Variants in CDH12 observed in about 807,000 individuals in gnomAD.
CDH12 encodes cadherin 12.
Under a neutral mutation model 74.1 loss-of-function variants are expected in CDH12, and 41 were observed. That is an observed-to-expected ratio of 0.55 (90% CI 0.43 to 0.72). CDH12 has a LOEUF of 0.72. CDH12 is among the 30% of genes least tolerant of loss of function. The pLI is 0.00. For missense variants in CDH12, 945 were observed against 977.2 expected (o/e 0.97, Z 0.44); for synonymous variants, 399 against 355.0 (o/e 1.12, Z -1.39).
intron 1 of CDH12, among the ~76,000 whole-genome samples, chr5:22,760,500 G>A (rs1746151306): frequency 6.6e-6 from 1 of 151,952 alleles, no homozygotes; most frequent in Non-Finnish European, 1.5e-5. Flanking sequence ...CCAACATGAT[G>A]AAACACCATT....
chr5:21,949,429 G>A (rs1352169039), intron 6 of CDH12, among the ~76,000 whole-genome samples: 17 of 142,452 alleles, frequency 1.2e-4, no homozygotes, highest in African/African-American at 3.2e-4. Context: ...CAGCCTGTGC[G>A]ACAGAACGAG....
chr5:21,783,511 T>C lies in CDH12; in HGVS notation c.1257-17A>G. 1 of 1,586,172 alleles carries C rather than the reference T, an allele frequency of 6.3e-7. No individual in the cohort carries two copies. Among genetic ancestry groups the C allele is most frequent in the Non-Finnish European group, 8.6e-7 (1 of 1,156,780 alleles). On this transcript the variant is annotated splice_polypyrimidine_tract_variant and intron_variant, in intron 10 of 14. Coordinates refer to ENST00000382254, the MANE Select transcript of CDH12 (RefSeq NM_004061.5). ...ATGAAGTACCTGTATATGAAAAGAG[T>C]AGATGCAAATGTGCAATGATTACAC...
intron 3 of CDH12, among the ~76,000 whole-genome samples, chr5:22,236,737 C>T (rs776307042): frequency 6.6e-6 from 1 of 152,152 alleles, no homozygotes; most frequent in Non-Finnish European, 1.5e-5. Context: ...TGGAGTGAGA[C>T]TCTGTCTCAA....
At chr5:22,218,350 G>A (rs1156759466) in intron 3 of CDH12, among the ~76,000 whole-genome samples, 31 of 151,666 alleles carry the variant, frequency 2.0e-4, no homozygotes, top group Admixed American at 2.0e-3. Flanking sequence ...CCGTCAACAG[G>A]TGAGTGAATA....
chr5:22,727,986 C>T (rs768178299), intron 1 of CDH12, among the ~76,000 whole-genome samples: 3 of 151,688 alleles, frequency 2.0e-5, no homozygotes, highest in Non-Finnish European at 2.9e-5. Flanking sequence ...GCCTCCATTT[C>T]TAATAAATTT....
intron 3 of CDH12, among the ~76,000 whole-genome samples, chr5:22,296,251 C>T (rs377200354): frequency 6.6e-6 from 1 of 151,956 alleles, no homozygotes; most frequent in East Asian, 1.9e-4. Context: ...ACTTATAAGA[C>T]TACAGGGCAC....
chr5:22,427,208 C>A (rs1283001503), intron 2 of CDH12, among the ~76,000 whole-genome samples: 1 of 152,108 alleles, frequency 6.6e-6, no homozygotes, highest in Non-Finnish European at 1.5e-5. Context: ...TGCTCTGTCA[C>A]CCAGGCTGGA....
chr5:22,507,476 T>C (rs1310570769), intron 1 of CDH12, among the ~76,000 whole-genome samples: 1 of 152,156 alleles, frequency 6.6e-6, no homozygotes, highest in Non-Finnish European at 1.5e-5. Context: ...ATACAGATAG[T>C]AACAAGGTAG....
chr5:22,735,403 C>T (rs1201039446), intron 1 of CDH12, among the ~76,000 whole-genome samples: 1 of 151,668 alleles, frequency 6.6e-6, no homozygotes, highest in Non-Finnish European at 1.5e-5. Context: ...GTTTAAGAAG[C>T]CTTGGGAGAA....
At chr5:22,624,792 C>CTGGGTATTTCT (rs1738181642) in intron 1 of CDH12, among the ~76,000 whole-genome samples, 1 of 152,204 alleles carries the variant, frequency 6.6e-6, no homozygotes, top group Non-Finnish European at 1.5e-5. Flanking sequence ...CCATTTGACA[C>CTGGGTATTTCT]AGCAATTCCA....
chr5:22,301,796 T>A (rs2150420263), intron 3 of CDH12, among the ~76,000 whole-genome samples: 1 of 151,852 alleles, frequency 6.6e-6, no homozygotes, highest in Admixed American at 6.6e-5. Context: ...CATGCCCAGC[T>A]TATTTATTTA....
intron 12 of CDH12, among the ~76,000 whole-genome samples, chr5:21,761,372 C>T (rs1334597477): frequency 6.6e-6 from 1 of 152,106 alleles, no homozygotes; most frequent in Non-Finnish European, 1.5e-5. Flanking sequence ...GTGAAATTTA[C>T]AATCCATTAA....
chr5:22,713,960 A>G (rs1176219903), intron 1 of CDH12, among the ~76,000 whole-genome samples: 1 of 152,176 alleles, frequency 6.6e-6, no homozygotes, highest in Non-Finnish European at 1.5e-5. Context: ...TTAGGTATTA[A>G]TTCAATGTTA....
At chr5:22,277,581 C>T (rs1736688786) in intron 3 of CDH12, among the ~76,000 whole-genome samples, 1 of 152,016 alleles carries the variant, frequency 6.6e-6, no homozygotes, top group African/African-American at 2.4e-5. Context: ...ACCTGTAATC[C>T]CAACATTTTG....
intron 1 of CDH12, among the ~76,000 whole-genome samples, chr5:22,542,401 G>T (rs1457585183): frequency 6.6e-6 from 1 of 152,170 alleles, no homozygotes; most frequent in Non-Finnish European, 1.5e-5. Context: ...CCAAGTGGCT[G>T]TTCAATCATG....
chr5:22,690,981 C>G (rs924971870), intron 1 of CDH12, among the ~76,000 whole-genome samples: 2 of 152,218 alleles, frequency 1.3e-5, no homozygotes, highest in East Asian at 3.9e-4. Flanking sequence ...ATGGACCGAT[C>G]CATGCAATGA....
chr5:21,999,481 A>C (rs1736485220), intron 5 of CDH12, among the ~76,000 whole-genome samples: 1 of 152,180 alleles, frequency 6.6e-6, no homozygotes, highest in Non-Finnish European at 1.5e-5. Flanking sequence ...TTTTCACAAG[A>C]AATATGATTT....
At chr5:22,613,240 A>G (rs1209873286) in intron 1 of CDH12, among the ~76,000 whole-genome samples, 2 of 152,098 alleles carry the variant, frequency 1.3e-5, no homozygotes, top group African/African-American at 2.4e-5. Flanking sequence ...GATGACTTCA[A>G]AAAAAAGTAA....
At chr5:22,079,621 C>A (rs1742579457) in intron 4 of CDH12, among the ~76,000 whole-genome samples, 2 of 152,194 alleles carry the variant, frequency 1.3e-5, no homozygotes, top group South Asian at 2.1e-4. Context: ...GAAACCTTGA[C>A]AATGTGAGTA....
Sources: allele counts gnomAD v4.1 joint callset (sites outside exome capture counted in the v4.1 genomes callset), GRCh38; gene constraint gnomAD v4.1.1; transcripts MANE v1.5; gene names NCBI Gene and HGNC (gene_info 2026-07-23, HGNC 2026-07-21).